Variants in PSMA1 observed in about 807,000 individuals in gnomAD.
PSMA1 encodes proteasome subunit alpha type-1.
A neutral mutation model predicts 38.4 loss-of-function variants in PSMA1; 3 were observed. The ratio of observed to expected loss-of-function variants is 0.08; its 90% CI spans 0.04 to 0.20. The LOEUF (loss-of-function observed/expected upper bound fraction) is 0.20. Ranked by LOEUF, PSMA1 falls within the 10% of genes least tolerant of loss-of-function variation. The probability of loss-of-function intolerance (pLI) is 1.00; values close to 1 mark genes in which losing one functional copy is unlikely to be tolerated. For synonymous variants in PSMA1, 101 were observed against 107.1 expected, an observed-to-expected ratio of 0.94 and a Z score of 0.35; for missense variants, 227 against 325.3, an observed-to-expected ratio of 0.70 and a Z score of 2.32.
intron 1 of PSMA1, among the ~76,000 whole-genome samples, chr11:14,613,550 G>C (rs1201678960): frequency 6.6e-6 from 1 of 152,018 alleles, no homozygotes; most frequent in Non-Finnish European, 1.5e-5. Context: ...ACTGTGCCCA[G>C]CCAAAAATCA....
intron 2 of PSMA1, among the ~76,000 whole-genome samples, chr11:14,603,057 G>A (rs1852603818): frequency 6.6e-6 from 1 of 152,200 alleles, no homozygotes; most frequent in African/African-American, 2.4e-5. Context: ...TGGAACATCA[G>A]CCAGAAAGAG....
At chr11:14,600,795 G>C (rs1227328429) in intron 2 of PSMA1, among the ~76,000 whole-genome samples, 2 of 152,194 alleles carry the variant, frequency 1.3e-5, no homozygotes, top group African/African-American at 4.8e-5. Context: ...ACCTCAGTTG[G>C]AAATGCAGAA....
intron 2 of PSMA1, among the ~76,000 whole-genome samples, chr11:14,575,690 T>C (rs1852204771): frequency 6.6e-6 from 1 of 152,206 alleles, no homozygotes; most frequent in East Asian, 1.9e-4. Context: ...TCCAAGTCTT[T>C]GCTATTGTGA....
intron 2 of PSMA1, among the ~76,000 whole-genome samples, chr11:14,570,437 C>T (rs1044505853): frequency 1.3e-5 from 2 of 152,090 alleles, no homozygotes; most frequent in African/African-American, 4.8e-5. Flanking sequence ...GGAGGATGTT[C>T]AAACCCATTG....
intron 7 of PSMA1, among the ~76,000 whole-genome samples, chr11:14,512,549 T>C (rs1019809781): frequency 4.6e-5 from 7 of 152,180 alleles, no homozygotes; most frequent in African/African-American, 7.2e-5. Flanking sequence ...GGTGCTGATA[T>C]GAGCAGTTCT....
At chr11:14,614,208 A>G (rs1852742737) in intron 1 of PSMA1, among the ~76,000 whole-genome samples, 2 of 152,288 alleles carry the variant, frequency 1.3e-5, no homozygotes, top group Middle Eastern at 3.4e-3. Context: ...AAATACTCCT[A>G]AACTACCATG....
intron 2 of PSMA1, among the ~76,000 whole-genome samples, chr11:14,549,059 T>C (rs1469452125): frequency 1.3e-5 from 2 of 152,174 alleles, no homozygotes; most frequent in African/African-American, 4.8e-5. Flanking sequence ...TATTACTGTT[T>C]TTTTTTTCTT....
intron 2 of PSMA1, among the ~76,000 whole-genome samples, chr11:14,610,615 AT>A (rs372805718): frequency 1.3e-3 from 196 of 151,896 alleles, no homozygotes; most frequent in South Asian, 5.8e-3. Context: ...TTTCAGTTAC[AT>A]TTTTTTTCTC....
chr11:14,528,505 C>T (rs1003237147), intron 2 of PSMA1, among the ~76,000 whole-genome samples: 5 of 152,064 alleles, frequency 3.3e-5, no homozygotes, highest in African/African-American at 7.2e-5. Context: ...GCCCCAATCC[C>T]GCTTGAATCA....
intron 1 of PSMA1, among the ~76,000 whole-genome samples, chr11:14,614,485 T>C (rs1731362260): frequency 6.6e-6 from 1 of 152,154 alleles, no homozygotes; most frequent in South Asian, 2.1e-4. Flanking sequence ...CCTTCTACTG[T>C]TCATTGCCAA....
intron 2 of PSMA1, among the ~76,000 whole-genome samples, chr11:14,599,428 T>G (rs1394889781): frequency 6.6e-6 from 1 of 152,238 alleles, no homozygotes; most frequent in Non-Finnish European, 1.5e-5. Flanking sequence ...TTGGAGGCTT[T>G]GTTCATTTCT....
chr11:14,535,044 A>T (rs989405166), intron 2 of PSMA1, among the ~76,000 whole-genome samples: 2 of 152,202 alleles, frequency 1.3e-5, no homozygotes, highest in Non-Finnish European at 2.9e-5. Flanking sequence ...ACTGCAATCC[A>T]GCTTGGGCGA....
chr11:14,514,559 G>T, intron 4 of PSMA1, 68 bp from the exon 5 acceptor site: 1 of 1,190,238 alleles, frequency 8.4e-7, no homozygotes, highest in Non-Finnish European at 1.1e-6. Context: ...TAAATTGTTT[G>T]ATTTCACTTC....
chr11:14,592,374 C>CTATATATA (rs1467036149), intron 2 of PSMA1, among the ~76,000 whole-genome samples: 1 of 119,256 alleles, frequency 8.4e-6, no homozygotes, highest in African/African-American at 3.5e-5. Flanking sequence ...CTCTCTCTCT[C>CTATATATA]TCTATATATA....
chr11:14,599,497 G>A (rs527733830), intron 2 of PSMA1, among the ~76,000 whole-genome samples: 3 of 152,030 alleles, frequency 2.0e-5, no homozygotes, highest in Non-Finnish European at 2.9e-5. Flanking sequence ...TTGATCTTCA[G>A]TAACTGATAC....
At chr11:14,630,073 A>G (rs1223654148) in intron 1 of PSMA1, among the ~76,000 whole-genome samples, 3 of 152,024 alleles carry the variant, frequency 2.0e-5, no homozygotes, top group Non-Finnish European at 2.9e-5. Context: ...GGCTGAGACA[A>G]TGGGGTTTTC....
chr11:14,627,959 T>C (rs539737967), intron 1 of PSMA1, among the ~76,000 whole-genome samples: 6 of 152,232 alleles, frequency 3.9e-5, no homozygotes, highest in African/African-American at 1.2e-4. Context: ...CCCACACTGG[T>C]ACTGGTCCAT....
At chr11:14,593,744 T>A (rs910113132) in intron 2 of PSMA1, among the ~76,000 whole-genome samples, 1 of 152,168 alleles carries the variant, frequency 6.6e-6, no homozygotes, top group Admixed American at 6.5e-5. Flanking sequence ...CTATTCAGTA[T>A]GTGGTCCTGG....
At chr11:14,628,496 T>G (rs1366662526) in intron 1 of PSMA1, among the ~76,000 whole-genome samples, 1 of 151,090 alleles carries the variant, frequency 6.6e-6, no homozygotes, top group Admixed American at 6.6e-5. Flanking sequence ...GGACATGAAC[T>G]CATCCTTTTT....
Sources: gnomAD v4.1 joint callset for allele counts (sites outside exome capture counted in the v4.1 genomes callset) on GRCh38, gnomAD v4.1.1 for gene constraint, MANE v1.5 for transcripts, NCBI Gene and HGNC (gene_info 2026-07-23, HGNC 2026-07-21) for gene names.